The following PITPNM2 variants were observed in gnomAD, a reference collection of about 807,000 sequenced individuals.
The protein encoded by PITPNM2 is phosphatidylinositol transfer protein membrane associated 2.
A neutral mutation model predicts 132.2 loss-of-function variants in PITPNM2; 35 were observed. That is an observed-to-expected ratio of 0.26 (90% CI 0.20 to 0.35). PITPNM2 has a LOEUF of 0.35. Ranked by LOEUF, PITPNM2 falls within the 10% of genes least tolerant of loss-of-function variation. The pLI, the probability that PITPNM2 is intolerant of heterozygous loss-of-function variation, is 1.00. For missense variants in PITPNM2, 1,332 were observed against 1,912.0 expected, an observed-to-expected ratio of 0.70 and a Z score of 5.66; for synonymous variants, 738 against 799.2, an observed-to-expected ratio of 0.92 and a Z score of 1.29.
chr12:123,119,538 T>C (rs1296316953), intron 1 of PITPNM2, among the ~76,000 whole-genome samples: 4 of 151,690 alleles, frequency 2.6e-5, no homozygotes, highest in Non-Finnish European at 5.9e-5. Flanking sequence ...TTTGTATTTT[T>C]TAGTAGAGAC....
At position 122,986,302 on chromosome 12, in the gene PITPNM2, G is replaced by T. The variant is rs1207227682; in HGVS notation, c.3775C>A (p.His1259Asn). The T allele has an allele frequency of 3.2e-6, 5 of 1,583,602 alleles. No homozygotes were observed. The highest frequency in any genetic ancestry group is 4.3e-6 in the Non-Finnish European group (5 of 1,167,882). Reference protein sequence around the residue: ...AAHLAQLKYSHRARPARNTAT... With the variant: ...AAHLAQLKYSNRARPARNTAT... ...GTGTTGCGAGCGGGCCGCGCCCGGT[G>T]GCTGTACTTCAGCTGCGCCAGGTGG... Residue 1259 changes from histidine (H) to asparagine (N), a missense_variant, in exon 26 of 26, where the codon CAC (histidine) becomes AAC (asparagine). Physicochemically the swap from His to Asn is moderately conservative, Grantham distance 68. Coordinates refer to ENST00000320201, the MANE Select transcript of PITPNM2 (RefSeq NM_020845.3).
At chr12:123,032,195 G>A (rs1438662278) in intron 3 of PITPNM2, among the ~76,000 whole-genome samples, 1 of 152,212 alleles carries the variant, frequency 6.6e-6, no homozygotes, top group African/African-American at 2.4e-5. Context: ...AAACCCTGAA[G>A]TGGCTGGGCA....
At chr12:123,120,032 A>G (rs1464509928) in intron 1 of PITPNM2, among the ~76,000 whole-genome samples, 1 of 152,192 alleles carries the variant, frequency 6.6e-6, no homozygotes, top group Non-Finnish European at 1.5e-5. Context: ...AGGGAAACTC[A>G]TCACAGGTGC....
At position 123,073,014 on chromosome 12, in the gene PITPNM2, C is replaced by T. The variant is rs144212721; in HGVS notation, c.-96+37371G>A. Among the ~76,000 whole-genome samples, 56 of 152,308 alleles carry T rather than the reference C, an allele frequency of 3.7e-4. No homozygotes were observed. In the East Asian group the frequency reaches 9.5e-3, roughly 26 times the overall value. ...GAGAGTTTGGCTGGTGTGATTCCATCGCCTGCCCCCCTCCCCAGAGCTCCC... is the reference window on the plus strand; with the variant it reads ...GAGAGTTTGGCTGGTGTGATTCCATTGCCTGCCCCCCTCCCCAGAGCTCCC... On this transcript the variant is annotated intron_variant, in intron 2 of 25. Coordinates refer to ENST00000320201, the MANE Select transcript of PITPNM2 (RefSeq NM_020845.3).
At chr12:123,123,926 A>G (rs2043081912) in intron 1 of PITPNM2, among the ~76,000 whole-genome samples, 1 of 149,242 alleles carries the variant, frequency 6.7e-6, no homozygotes. Flanking sequence ...ACAGAGCAAG[A>G]TTCTGCCTCA....
intron 1 of PITPNM2, among the ~76,000 whole-genome samples, chr12:123,134,746 GA>G (rs1264308969): frequency 6.6e-6 from 1 of 152,130 alleles, no homozygotes; most frequent in Non-Finnish European, 1.5e-5. Context: ...GTTGTGTGGT[GA>G]ACTGTCAAAA....
At chr12:123,081,728 G>C (rs187649747) in intron 2 of PITPNM2, 12 of 152,192 alleles carry the variant, frequency 7.9e-5, no homozygotes, top group African/African-American at 2.7e-4. Flanking sequence ...GAGGTGTCTC[G>C]GGAGCAGACC....
intron 18 of PITPNM2, among the ~76,000 whole-genome samples, 196 bp from the exon 19 acceptor site, chr12:122,989,068 G>A (rs1400069849): frequency 1.3e-5 from 2 of 152,218 alleles, no homozygotes; most frequent in Non-Finnish European, 2.9e-5. Flanking sequence ...ACCCAGGACA[G>A]TGGTGAGTGC....
At chr12:123,067,597 T>C (rs1470433237) in intron 2 of PITPNM2, among the ~76,000 whole-genome samples, 3 of 152,050 alleles carry the variant, frequency 2.0e-5, no homozygotes, top group African/African-American at 7.2e-5. Flanking sequence ...CAAGGAACAC[T>C]TGGGGCCACC....
chr12:122,986,013 G>A lies in PITPNM2; in HGVS notation c.*14C>T. 2 of 1,392,026 alleles carry A rather than the reference G, an allele frequency of 1.4e-6. No homozygotes were observed. The highest frequency in any genetic ancestry group is 3.0e-5 in the East Asian group (1 of 33,814). 86.2% of individuals were successfully genotyped at this position (1,392,026 alleles called of 1,614,324 possible). ...CCTAGCACCATGGAGACCCCGCGCT[G>A]CACTCACGGTGCCCTACTTGGGGCC... On this transcript the variant is annotated 3_prime_UTR_variant, in exon 26 of 26. Transcript: ENST00000320201.
chr12:123,106,917 G>A lies in PITPNM2; in HGVS notation c.-96+3468C>T, dbSNP rs748724929. Among the ~76,000 whole-genome samples, 1 of 152,222 alleles carries A rather than the reference G, an allele frequency of 6.6e-6. No individual in the cohort carries two copies. The highest frequency in any genetic ancestry group is 2.4e-5 in the African/African-American group (1 of 41,462). ...GGCCTGCATTCCCATGTGGGACTAGGGCTGCCTGAGAGGAGGGACTAGGAA... is the reference window on the plus strand; with the variant it reads ...GGCCTGCATTCCCATGTGGGACTAGAGCTGCCTGAGAGGAGGGACTAGGAA... On this transcript the variant is annotated intron_variant, in intron 2 of 25. Coordinates refer to ENST00000320201, the MANE Select transcript of PITPNM2 (RefSeq NM_020845.3). This position sits in a 1 kb window ranked among gnomAD's most constrained non-coding sequence, Gnocchi z 4.4.
rs987106932 is a variant in PITPNM2, at chr12:123,013,953, C to T, written c.168G>A (p.Gly56=). ...CATGATACACCTTGTGTGTGTACTG[C>T]CCAGAGCCGCCTGGGCCATCTGTGT... The part of the protein sequence containing the change: ...RPYTDGPGGS[G]QYTHKVYHVG... Residue 56 remains glycine, a synonymous_variant, in exon 4 of 26, where the codon GGG becomes GGA. Coordinates refer to ENST00000320201, the MANE Select transcript of PITPNM2 (RefSeq NM_020845.3). The T allele has an allele frequency of 6.2e-7, 1 of 1,614,272 alleles. No individual in the cohort carries two copies. The highest frequency in any genetic ancestry group is 1.1e-5 in the South Asian group (1 of 91,092).
chr12:123,010,176 G>A, intron 5 of PITPNM2, 99 bp from the exon 6 acceptor site: 1 of 1,041,726 alleles, frequency 9.6e-7, no homozygotes, highest in South Asian at 1.5e-5. Flanking sequence ...CAGGACTCTG[G>A]GCCTTGCCCT....
At position 123,035,996 on chromosome 12, in the gene PITPNM2, C is replaced by A. The variant is rs1040189281; in HGVS notation, c.-95-1311G>T. Reference sequence around the variant, plus strand: ...GCCTCAGCCTCCAGAGTAGCTGGGACTACAGATGCACGCCACCCACACCCG... The same window carrying A: ...GCCTCAGCCTCCAGAGTAGCTGGGAATACAGATGCACGCCACCCACACCCG... On this transcript the variant is annotated intron_variant, in intron 2 of 25. Coordinates refer to ENST00000320201, the MANE Select transcript of PITPNM2 (RefSeq NM_020845.3). Among the ~76,000 whole-genome samples the A allele has an allele frequency of 2.2e-4, 33 of 152,126 alleles. 1 individual carries two copies. The highest frequency in any genetic ancestry group is 5.9e-5 in the Non-Finnish European group (4 of 68,020).
At chr12:123,102,297 G>A (rs958107793) in intron 2 of PITPNM2, among the ~76,000 whole-genome samples, 11 of 152,182 alleles carry the variant, frequency 7.2e-5, no homozygotes, top group South Asian at 2.1e-4. Flanking sequence ...TACTGTCTCC[G>A]CATCCTCGTC....
intron 1 of PITPNM2, among the ~76,000 whole-genome samples, chr12:123,115,800 G>A (rs559329876): frequency 1.3e-5 from 2 of 152,222 alleles, no homozygotes; most frequent in Non-Finnish European, 2.9e-5. Flanking sequence ...AGGGCCTTGT[G>A]CAGCACAGAA....
At chr12:123,042,698 A>G (rs2040533689) in intron 2 of PITPNM2, among the ~76,000 whole-genome samples, 1 of 152,062 alleles carries the variant, frequency 6.6e-6, no homozygotes, top group South Asian at 2.1e-4. Context: ...GCTCTAAGAG[A>G]GCTTCCTTCT....
intron 1 of PITPNM2, among the ~76,000 whole-genome samples, chr12:123,128,183 C>T (rs1342019793): frequency 6.9e-6 from 1 of 144,910 alleles, no homozygotes; most frequent in Admixed American, 7.1e-5. Context: ...TATAATCCTA[C>T]CACTTTGGGA....
Position 122,992,732 on chromosome 12 carries a change from GA to G in PITPNM2, c.2234-64del. On this transcript the variant is annotated intron_variant, in intron 15 of 25. Transcript: ENST00000320201. This position sits in a 1 kb window ranked among gnomAD's most constrained non-coding sequence, Gnocchi z 6.5. ...CCCTGAGGAGCAGTGGTGGGGGTGG[GA>G]AATTTGGGAACTGGGCACTGGGTTG... 3 of 1,280,714 alleles carry G rather than the reference GA, an allele frequency of 2.3e-6. No individual in the cohort carries two copies. The allele number at this position is 1,280,714 out of a possible 1,614,324, so 79.3% of individuals were successfully genotyped here.
Sources: allele counts gnomAD v4.1 joint callset (sites outside exome capture counted in the v4.1 genomes callset), GRCh38; gene constraint gnomAD v4.1.1; non-coding constraint Gnocchi (gnomAD v3.1); transcripts MANE v1.5; gene names NCBI Gene and HGNC (gene_info 2026-07-23, HGNC 2026-07-21).